The following CSGALNACT1 variants were observed in gnomAD, a reference collection of about 807,000 sequenced individuals.
CSGALNACT1 encodes beta4GalNAcT-1.
CSGALNACT1 carries 52 observed loss-of-function variants against 51.0 expected under a neutral mutation model. The ratio of observed to expected loss-of-function variants is 1.02; its 90% CI spans 0.82 to 1.29. The LOEUF (loss-of-function observed/expected upper bound fraction) is 1.29, where lower values mean the gene tolerates loss of function less well. CSGALNACT1 is among the 50% of genes most tolerant of loss of function. The pLI, the probability that CSGALNACT1 is intolerant of heterozygous loss-of-function variation, is 0.00. For synonymous variants in CSGALNACT1, 341 were observed against 254.4 expected, an observed-to-expected ratio of 1.34 and a Z score of -3.24; for missense variants, 935 against 679.2, an observed-to-expected ratio of 1.38 and a Z score of -4.19.
At chr8:19,443,017 G>A (rs1357441773) in intron 5 of CSGALNACT1, among the ~76,000 whole-genome samples, 3 of 152,024 alleles carry the variant, frequency 2.0e-5, no homozygotes, top group South Asian at 2.1e-4. Flanking sequence ...TGACTCTAAC[G>A]ATCCCAGGCA....
intron 1 of CSGALNACT1, among the ~76,000 whole-genome samples, chr8:19,655,579 C>CACACATATAT (rs377123745): frequency 8.9e-6 from 1 of 111,830 alleles, no homozygotes; most frequent in Non-Finnish European, 1.9e-5. Context: ...CACACACACA[C>CACACATATAT]ATATATATAT....
chr8:19,487,360 G>C (rs1027002005), intron 4 of CSGALNACT1, among the ~76,000 whole-genome samples: 30 of 152,148 alleles, frequency 2.0e-4, no homozygotes, highest in Admixed American at 7.2e-4. Flanking sequence ...TTCATGCTTA[G>C]TCAAACCAAC....
chr8:19,661,651 T>A (rs1293435509), intron 1 of CSGALNACT1, among the ~76,000 whole-genome samples: 1 of 152,206 alleles, frequency 6.6e-6, no homozygotes, highest in African/African-American at 2.4e-5. Flanking sequence ...TTCATGATCA[T>A]CTATGCCATG....
intron 1 of CSGALNACT1, among the ~76,000 whole-genome samples, chr8:19,634,163 T>C (rs62494482): frequency 0.037 from 5,708 of 152,326 alleles, 184 homozygotes; most frequent in East Asian, 0.1. Flanking sequence ...TTTGTTCATT[T>C]TGAAAACATA....
chr8:19,420,558 A>C (rs1322789981), intron 6 of CSGALNACT1, 40 bp from the exon 6 acceptor site: 2 of 1,597,966 alleles, frequency 1.3e-6, no homozygotes, highest in Non-Finnish European at 8.6e-7. Context: ...ACATTCCCAC[A>C]TGTTGGCAGC....
At chr8:19,441,450 C>G (rs968356123) in intron 5 of CSGALNACT1, among the ~76,000 whole-genome samples, 15 of 152,090 alleles carry the variant, frequency 9.9e-5, no homozygotes, top group Admixed American at 6.6e-4. Context: ...ACAAACCTGA[C>G]AAAAACAAGA....
chr8:19,665,881 A>T (rs946735556), intron 1 of CSGALNACT1, among the ~76,000 whole-genome samples: 1 of 152,216 alleles, frequency 6.6e-6, no homozygotes, highest in Admixed American at 6.5e-5. Flanking sequence ...ACTTCCTCTT[A>T]GTCTCACCTC....
intron 1 of CSGALNACT1, among the ~76,000 whole-genome samples, chr8:19,666,638 C>T (rs1474061349): frequency 1.3e-5 from 2 of 151,056 alleles, no homozygotes; most frequent in Admixed American, 1.3e-4. Context: ...GCAGAGGTTA[C>T]AGTGAGCCGA....
chr8:19,598,973 G>A (rs939105053), intron 2 of CSGALNACT1, among the ~76,000 whole-genome samples: 1 of 152,180 alleles, frequency 6.6e-6, no homozygotes, highest in Non-Finnish European at 1.5e-5. Context: ...TACCATTGAG[G>A]TGAGGTTTGA....
intron 1 of CSGALNACT1, among the ~76,000 whole-genome samples, chr8:19,704,430 G>GTTGC (rs1287105435): frequency 2.0e-5 from 3 of 152,200 alleles, no homozygotes; most frequent in Non-Finnish European, 4.4e-5. Context: ...AATATCAAGT[G>GTTGC]TTGTCGAGGA....
At chr8:19,543,211 T>G (rs2085651954) in intron 3 of CSGALNACT1, among the ~76,000 whole-genome samples, 1 of 152,214 alleles carries the variant, frequency 6.6e-6, no homozygotes, top group South Asian at 2.1e-4. Context: ...AAGCCTAATC[T>G]TGATAGCTCA....
chr8:19,546,535 A>T (rs1415151809), intron 3 of CSGALNACT1, among the ~76,000 whole-genome samples: 1 of 152,322 alleles, frequency 6.6e-6, no homozygotes, highest in East Asian at 1.9e-4. Flanking sequence ...GCTAACTACA[A>T]GTTTCTTAAA....
intron 8 of CSGALNACT1, among the ~76,000 whole-genome samples, chr8:19,413,889 A>G (rs1585431611): frequency 2.0e-5 from 3 of 152,322 alleles, no homozygotes; most frequent in Admixed American, 6.5e-5. Context: ...TTGGGTGACT[A>G]TGGAGCTGGT....
chr8:19,584,748 T>A (rs901817385), intron 3 of CSGALNACT1, among the ~76,000 whole-genome samples: 2 of 152,248 alleles, frequency 1.3e-5, no homozygotes, highest in South Asian at 2.1e-4. Context: ...GCAAGGCTGA[T>A]AGCAGTACAA....
At chr8:19,721,629 A>T (rs1188562391) in intron 1 of CSGALNACT1, among the ~76,000 whole-genome samples, 1 of 152,244 alleles carries the variant, frequency 6.6e-6, no homozygotes, top group Non-Finnish European at 1.5e-5. Flanking sequence ...TCACACTAAA[A>T]TACCACATTC....
At chr8:19,586,543 A>C (rs577753597) in intron 3 of CSGALNACT1, among the ~76,000 whole-genome samples, 1 of 152,184 alleles carries the variant, frequency 6.6e-6, no homozygotes, top group Non-Finnish European at 1.5e-5. Context: ...AGACACACAG[A>C]ATCAGAAACT....
At chr8:19,753,395 T>G (rs559321419) in intron 1 of CSGALNACT1, among the ~76,000 whole-genome samples, 6 of 152,322 alleles carry the variant, frequency 3.9e-5, no homozygotes, top group Admixed American at 3.9e-4. Context: ...TCCTGCCATG[T>G]AAATATCAGA....
At chr8:19,471,376 A>G (rs2068129766) in intron 4 of CSGALNACT1, among the ~76,000 whole-genome samples, 1 of 151,868 alleles carries the variant, frequency 6.6e-6, no homozygotes, top group South Asian at 2.1e-4. Context: ...CTTTTTTTTC[A>G]TTCCTGTCTT....
chr8:19,492,806 T>A (rs375024986), intron 4 of CSGALNACT1, among the ~76,000 whole-genome samples: 1 of 152,222 alleles, frequency 6.6e-6, no homozygotes, highest in Non-Finnish European at 1.5e-5. Context: ...AACTGGAAAT[T>A]CATCTTTATA....
Sources: gnomAD v4.1 joint callset for allele counts (sites outside exome capture counted in the v4.1 genomes callset) on GRCh38, gnomAD v4.1.1 for gene constraint, MANE v1.5 for transcripts, NCBI Gene and HGNC (gene_info 2026-07-23, HGNC 2026-07-21) for gene names.